The following IMPG1 variants were observed in gnomAD, a reference collection of about 807,000 sequenced individuals.
The protein encoded by IMPG1 is interphotoreceptor matrix proteoglycan 1.
In IMPG1, 85 loss-of-function variants were observed where a neutral mutation model predicts 92.0. That is an observed-to-expected ratio of 0.92 (90% confidence interval 0.78 to 1.11). The LOEUF is 1.11. Among genes scored for constraint, IMPG1 ranks in the 50% least tolerant of loss-of-function variants. IMPG1 has a pLI of 0.00. For missense variants in IMPG1, 1,022 were observed against 956.0 expected, an observed-to-expected ratio of 1.07 and a Z score of -0.91; for synonymous variants, 367 against 334.1, an observed-to-expected ratio of 1.10 and a Z score of -1.08.
At chr6:76,025,342 TG>T in intron 4 of IMPG1, 84 bp from the exon 5 acceptor site, 1 of 692,240 alleles carries the variant, frequency 1.4e-6, no homozygotes. Flanking sequence ...TTTCTTATAC[TG>T]AGTAAACCTA....
chr6:75,977,889 A>G (rs998540154), intron 12 of IMPG1, among the ~76,000 whole-genome samples: 6 of 152,072 alleles, frequency 3.9e-5, no homozygotes, highest in Non-Finnish European at 8.8e-5. Context: ...ATAAAATTTT[A>G]TACCTTAAAA....
intron 15 of IMPG1, among the ~76,000 whole-genome samples, chr6:75,924,945 A>G (rs1336681778): frequency 6.7e-6 from 1 of 150,338 alleles, no homozygotes; most frequent in African/African-American, 2.5e-5. Flanking sequence ...TACAAAATAG[A>G]ACAGTAGTTA....
In IMPG1 at chr6:76,064,530, T is replaced by G. The variant is rs1451555454; in HGVS notation, c.67+7892A>C. On this transcript the variant is annotated intron_variant, in intron 1 of 16. Transcript: ENST00000369950. ...GCCATGGAGCTGAGGTAGCTCCCTC[T>G]CCTCACTGGGGAGACCTCAGCACAT... Among the ~76,000 whole-genome samples the G allele has an allele frequency of 2.6e-5, 4 of 152,036 alleles. No individual in the cohort carries two copies. The East Asian group carries it at 7.7e-4, about 29-fold the overall frequency.
At chr6:76,064,161 A>G (rs1297932378) in intron 1 of IMPG1, among the ~76,000 whole-genome samples, 2 of 152,070 alleles carry the variant, frequency 1.3e-5, no homozygotes, top group Non-Finnish European at 2.9e-5. Flanking sequence ...TTCTAGGGGT[A>G]GAATGGAGGA....
At chr6:75,997,133 A>G (rs370681507) in intron 12 of IMPG1, among the ~76,000 whole-genome samples, 37 of 152,300 alleles carry the variant, frequency 2.4e-4, no homozygotes, top group African/African-American at 8.9e-4. Context: ...CATCATAAAG[A>G]TTGTATCTAG....
chr6:75,922,261 T>A, intron 16 of IMPG1, 95 bp from the exon 17 acceptor site: 1 of 611,962 alleles, frequency 1.6e-6, no homozygotes, highest in Non-Finnish European at 2.9e-6. Context: ...GATAAGAGGA[T>A]GTGCTTGCCA....
chr6:75,986,274 C>T (rs1174415368), intron 12 of IMPG1, among the ~76,000 whole-genome samples: 1 of 152,012 alleles, frequency 6.6e-6, no homozygotes, highest in Non-Finnish European at 1.5e-5. Flanking sequence ...GTGCACGTTA[C>T]ACACAAGGTG....
At chr6:75,955,665 C>T (rs1278759115) in intron 12 of IMPG1, among the ~76,000 whole-genome samples, 2 of 152,180 alleles carry the variant, frequency 1.3e-5, no homozygotes, top group South Asian at 4.1e-4. Flanking sequence ...AGAGGGCATC[C>T]TCATCTTGTG....
intron 1 of IMPG1, among the ~76,000 whole-genome samples, chr6:76,049,702 A>T (rs1364198752): frequency 6.6e-6 from 1 of 152,158 alleles, no homozygotes; most frequent in Non-Finnish European, 1.5e-5. Context: ...GTAACAAAAC[A>T]GACAATTTGG....
intron 14 of IMPG1, among the ~76,000 whole-genome samples, chr6:75,940,502 T>C (rs1247990729): frequency 1.3e-5 from 2 of 152,218 alleles, no homozygotes; most frequent in African/African-American, 4.8e-5. Context: ...ATTGTATGAA[T>C]GATAAACTGT....
In IMPG1 at chr6:76,030,865, T is replaced by A. The variant is rs186141088; in HGVS notation, c.497+3450A>T. 6.6e-5 allele frequency among the ~76,000 whole-genome samples: 10 copies of A among 152,060 alleles called. No homozygotes were observed. In the East Asian group the frequency reaches 1.9e-3, roughly 29 times the overall value. On this transcript the variant is annotated intron_variant, in intron 4 of 16. Coordinates refer to ENST00000369950, the MANE Select transcript of IMPG1 (RefSeq NM_001563.4). ...ATGAGACAGCCAAGTGGGGAGGGGG[T>A]CCCTGGAAAAACTCCATCCAGCCTG...
At chr6:76,050,784 T>C (rs1784027183) in intron 1 of IMPG1, among the ~76,000 whole-genome samples, 1 of 152,202 alleles carries the variant, frequency 6.6e-6, no homozygotes, top group African/African-American at 2.4e-5. Context: ...CAAACTCTTC[T>C]AGAGGAAATT....
chr6:76,038,506 AC>A (rs1176084515), intron 2 of IMPG1, among the ~76,000 whole-genome samples: 1 of 152,132 alleles, frequency 6.6e-6, no homozygotes, highest in African/African-American at 2.4e-5. Context: ...TCACCAGCCC[AC>A]TTACCCACCA....
At chr6:76,004,876 T>C (rs1030443297) in intron 10 of IMPG1, among the ~76,000 whole-genome samples, 9 of 152,186 alleles carry the variant, frequency 5.9e-5, no homozygotes, top group Admixed American at 2.0e-4. Flanking sequence ...CCTTTACAAA[T>C]GGTCCCTTTA....
chr6:76,037,498 G>A (rs1311833963), intron 2 of IMPG1, among the ~76,000 whole-genome samples: 4 of 152,186 alleles, frequency 2.6e-5, no homozygotes, highest in Non-Finnish European at 4.4e-5. Flanking sequence ...CAAGGATCAA[G>A]AAGTTTTAAT....
At position 75,924,679 on chromosome 6, in the gene IMPG1, A is replaced by AT. The variant is rs1455840157; in HGVS notation, c.2244-974dup. 6.2e-4 allele frequency among the ~76,000 whole-genome samples: 2 copies of AT among 3,224 alleles called. 1 individual carries two copies. Among genetic ancestry groups the AT allele is most frequent in the Non-Finnish European group, 1.4e-3 (2 of 1,404 alleles). 2.1% of individuals were successfully genotyped at this position (3,224 alleles called of 152,430 possible). On this transcript the variant is annotated intron_variant, in intron 15 of 16. Transcript: ENST00000369950. ...TATAATATATAATAAATTATATATT[A>AT]TATATTATATATAAATAATTATATA... is the stretch of plus-strand genomic sequence containing the variant.
chr6:75,955,662 A>T (rs1782107104), intron 12 of IMPG1, among the ~76,000 whole-genome samples: 1 of 152,218 alleles, frequency 6.6e-6, no homozygotes, highest in Non-Finnish European at 1.5e-5. Context: ...GAGAGAGGGC[A>T]TCCTCATCTT....
intron 5 of IMPG1, among the ~76,000 whole-genome samples, chr6:76,024,272 A>G (rs999692104): frequency 2.6e-5 from 4 of 152,166 alleles, no homozygotes; most frequent in African/African-American, 9.6e-5. Flanking sequence ...TATTTTCTCA[A>G]TTTCTACATT....
intron 1 of IMPG1, among the ~76,000 whole-genome samples, chr6:76,058,076 G>A (rs1416567468): frequency 6.6e-6 from 1 of 151,970 alleles, no homozygotes. Context: ...TGAGTCCCTA[G>A]CATATTTTGG....
Sources: gnomAD v4.1 joint callset for allele counts (sites outside exome capture counted in the v4.1 genomes callset) on GRCh38, gnomAD v4.1.1 for gene constraint, MANE v1.5 for transcripts, NCBI Gene and HGNC (gene_info 2026-07-23, HGNC 2026-07-21) for gene names.